The following RAP1GAP2 variants were observed in gnomAD, a reference collection of about 807,000 sequenced individuals.
RAP1GAP2 encodes rap1 GTPase-activating protein 2.
In RAP1GAP2, 27 loss-of-function variants were observed where a neutral mutation model predicts 95.0. The ratio of observed to expected loss-of-function variants is 0.28; its 90% CI spans 0.21 to 0.39. The LOEUF (loss-of-function observed/expected upper bound fraction) is 0.39, where lower values mean the gene tolerates loss of function less well. Among genes scored for constraint, RAP1GAP2 ranks in the 10% least tolerant of loss-of-function variants. The probability of loss-of-function intolerance (pLI) is 1.00; values close to 1 mark genes in which losing one functional copy is unlikely to be tolerated. For missense variants in RAP1GAP2, 771 were observed against 970.0 expected (o/e 0.79, Z 2.72); for synonymous variants, 373 against 380.9 (o/e 0.98, Z 0.24).
chr17:2,875,574 T>G (rs9898759), intron 2 of RAP1GAP2, among the ~76,000 whole-genome samples: 9 of 152,044 alleles, frequency 5.9e-5, no homozygotes, highest in Non-Finnish European at 1.2e-4. Flanking sequence ...ACTTAGCTCA[T>G]GGAGCGGGTG....
rs115603312 is a variant in RAP1GAP2, at chr17:2,807,812, A to T, written c.80+7262A>T. Reference sequence around the variant, plus strand: ...GAAGTGGGGCTGGATCAAAGGGCTTAGGACTAGGGGAATGCTATGGTGAGC... The same window carrying T: ...GAAGTGGGGCTGGATCAAAGGGCTTTGGACTAGGGGAATGCTATGGTGAGC... On this transcript the variant is annotated intron_variant, in intron 2 of 24. Transcript: ENST00000254695. Among the ~76,000 whole-genome samples, 584 of 152,210 alleles carry T rather than the reference A, an allele frequency of 3.8e-3. 2 individuals are homozygous for T. Among genetic ancestry groups the T allele is most frequent in the African/African-American group, 0.013 (541 of 41,526 alleles).
chr17:2,997,929 A>AAAAAAAAAAAAG (rs2046018798), intron 13 of RAP1GAP2, among the ~76,000 whole-genome samples: 1 of 151,556 alleles, frequency 6.6e-6, no homozygotes, highest in African/African-American at 2.4e-5. Context: ...TCTCAAAAAA[A>AAAAAAAAAAAAG]AAAAAAAAAG....
rs1373118593 is a variant in RAP1GAP2, at chr17:2,906,384, C to T, written c.165+1016C>T. 1.3e-5 allele frequency among the ~76,000 whole-genome samples: 2 copies of T among 152,164 alleles called. No homozygotes were observed. Among genetic ancestry groups the T allele is most frequent in the South Asian group, 4.2e-4 (2 of 4,812 alleles). ...TCCTGTATCCGATACCCATCACATA[C>T]AGAGCCATGTGGTATGCCTCGAGGA... On this transcript the variant is annotated intron_variant, in intron 3 of 24. Transcript: ENST00000254695. This position sits in a 1 kb window ranked among gnomAD's most constrained non-coding sequence, Gnocchi z 4.3.
rs2072804667 is a variant in RAP1GAP2 at position 2,870,611 on chromosome 17, C to G, written c.81-34673C>G. Among the ~76,000 whole-genome samples, 1 of 152,256 alleles carries G rather than the reference C, an allele frequency of 6.6e-6. No homozygotes were observed. The highest frequency in any genetic ancestry group is 2.1e-4 in the South Asian group (1 of 4,828). On this transcript the variant is annotated intron_variant, in intron 2 of 24. Coordinates refer to ENST00000254695, the MANE Select transcript of RAP1GAP2 (RefSeq NM_015085.5). This position sits in a 1 kb window ranked among gnomAD's most constrained non-coding sequence, Gnocchi z 4.4. ...TTTTCTATGCAAAAGCACACCCTTTCACGTAATATACTTACATCTGCATCT... is the reference window on the plus strand; with the variant it reads ...TTTTCTATGCAAAAGCACACCCTTTGACGTAATATACTTACATCTGCATCT...
chr17:2,957,741 C>T lies in RAP1GAP2; in HGVS notation c.166-18C>T. On this transcript the variant is annotated intron_variant, in intron 3 of 24. Coordinates refer to ENST00000254695, the MANE Select transcript of RAP1GAP2 (RefSeq NM_015085.5). The stretch of plus-strand genomic sequence containing the variant: ...CGGCTGATCCCTGTCTTTCTGTCCC[C>T]CTGCTTTTGTCTTTCAGTCGTCGGA... 2 of 1,604,780 alleles carry T rather than the reference C, an allele frequency of 1.2e-6. No homozygotes were observed. The highest frequency in any genetic ancestry group is 8.5e-7 in the Non-Finnish European group (1 of 1,175,294).
At chr17:2,868,028 G>A (rs1261977664) in intron 2 of RAP1GAP2, among the ~76,000 whole-genome samples, 1 of 152,188 alleles carries the variant, frequency 6.6e-6, no homozygotes, top group South Asian at 2.1e-4. Flanking sequence ...GACCGCGCTG[G>A]ACCTGGTCTG....
At chr17:2,810,471 A>C (rs1435875353) in intron 2 of RAP1GAP2, among the ~76,000 whole-genome samples, 1 of 140,222 alleles carries the variant, frequency 7.1e-6, no homozygotes, top group Admixed American at 7.3e-5. Flanking sequence ...TTAACTCGTC[A>C]TTTAACATTA....
At chr17:2,886,559 G>T (rs963145059) in intron 2 of RAP1GAP2, among the ~76,000 whole-genome samples, 1 of 152,190 alleles carries the variant, frequency 6.6e-6, no homozygotes, top group Admixed American at 6.5e-5. Context: ...CCAAGAATGG[G>T]TTATTGGTAT....
At chr17:2,997,305 T>C (rs758885341) in intron 13 of RAP1GAP2, among the ~76,000 whole-genome samples, 13 of 152,160 alleles carry the variant, frequency 8.5e-5, no homozygotes, top group African/African-American at 9.7e-5. Flanking sequence ...CGTCTCCTCC[T>C]CCAGGAAGCC....
At chr17:2,984,159 G>A (rs2045470984) in intron 10 of RAP1GAP2, among the ~76,000 whole-genome samples, 1 of 152,074 alleles carries the variant, frequency 6.6e-6, no homozygotes, top group Non-Finnish European at 1.5e-5. Flanking sequence ...GACCAGCCTG[G>A]CCAACATGGT....
chr17:2,931,682 G>A (rs922095029), intron 3 of RAP1GAP2, among the ~76,000 whole-genome samples: 8 of 152,190 alleles, frequency 5.3e-5, no homozygotes, highest in East Asian at 1.9e-4. Flanking sequence ...AGAATCACTC[G>A]GGACCGAAGC....
intron 3 of RAP1GAP2, among the ~76,000 whole-genome samples, chr17:2,936,676 G>T (rs1272755346): frequency 6.6e-6 from 1 of 152,066 alleles, no homozygotes; most frequent in Non-Finnish European, 1.5e-5. Flanking sequence ...CTGATATTGA[G>T]TCTTGCTCTT....
At chr17:2,772,617 G>T (rs1406452488), upstream of RAP1GAP2, among the ~76,000 whole-genome samples, 1 of 151,832 alleles carries the variant, frequency 6.6e-6, no homozygotes, top group African/African-American at 2.4e-5. Context: ...TTTAGTTCCC[G>T]TTATGTGTCA....
Position 2,906,648 on chromosome 17 carries a change from T to G in RAP1GAP2, c.165+1280T>G. On this transcript the variant is annotated intron_variant, in intron 3 of 24. Coordinates refer to ENST00000254695, the MANE Select transcript of RAP1GAP2 (RefSeq NM_015085.5). The surrounding 1 kb of genome is among the most constrained non-coding windows in gnomAD (Gnocchi z 4.3). ...GCCAGCTCTTTGCACAGGGTAATGC[T>G]AAGAAGCCTGTCACCATTCCGAGTG... Among the ~76,000 whole-genome samples, 1 of 151,990 alleles carries G rather than the reference T, an allele frequency of 6.6e-6. No homozygotes were observed. Among genetic ancestry groups the G allele is most frequent in the Middle Eastern group, 3.2e-3 (1 of 316 alleles).
In RAP1GAP2 at chr17:2,903,030, G is replaced by T. The variant is rs1443126055; in HGVS notation, c.81-2254G>T. 6.6e-6 allele frequency among the ~76,000 whole-genome samples: 1 copy of T among 152,202 alleles called. No individual in the cohort carries two copies. The highest frequency in any genetic ancestry group is 1.5e-5 in the Non-Finnish European group (1 of 68,030). ...CCTCTGGACTGTGTGTTTCTGGAGA[G>T]CCAGGGCTGCTGTCCATCAAGGTGC... On this transcript the variant is annotated intron_variant, in intron 2 of 24. Coordinates refer to ENST00000254695, the MANE Select transcript of RAP1GAP2 (RefSeq NM_015085.5). This position sits in a 1 kb window ranked among gnomAD's most constrained non-coding sequence, Gnocchi z 4.1.
chr17:3,020,279 C>T (rs1052700036), intron 18 of RAP1GAP2, among the ~76,000 whole-genome samples, 198 bp from the exon 19 acceptor site: 1 of 152,212 alleles, frequency 6.6e-6, no homozygotes, highest in South Asian at 2.1e-4. Context: ...TTTGGCTTAA[C>T]ACAGGGAAGG....
intron 12 of RAP1GAP2, among the ~76,000 whole-genome samples, chr17:2,991,955 G>A (rs931883146): frequency 6.6e-6 from 1 of 151,650 alleles, no homozygotes; most frequent in Non-Finnish European, 1.5e-5. Context: ...GAGTAGAGAC[G>A]GGGTTTCGCC....
At chr17:2,790,124 G>A (rs1425141990) in intron 1 of RAP1GAP2, among the ~76,000 whole-genome samples, 1 of 149,482 alleles carries the variant, frequency 6.7e-6, no homozygotes, top group Non-Finnish European at 1.5e-5. Flanking sequence ...TTTTTTTTTG[G>A]TGGTTTTGAG....
chr17:2,963,322 C>T lies in RAP1GAP2; in HGVS notation c.247-108C>T, dbSNP rs1189887387. The T allele has an allele frequency of 1.6e-6, 2 of 1,273,068 alleles. No individual in the cohort carries two copies. Among genetic ancestry groups the T allele is most frequent in the Admixed American group, 1.7e-5 (1 of 58,614 alleles). 78.9% of individuals were successfully genotyped at this position (1,273,068 alleles called of 1,614,324 possible). A position where few individuals can be genotyped will look rare whatever the true frequency, so the allele number is the denominator to read the frequency against. On this transcript the variant is annotated intron_variant, in intron 5 of 24. Transcript: ENST00000254695. The surrounding 1 kb of genome is among the most constrained non-coding windows in gnomAD (Gnocchi z 4.8). ...GCTGTTCTTCCATCGAATGTTCCTC[C>T]CTCAAAGCCCCCCCACAACATATCC...
Sources: allele counts gnomAD v4.1 joint callset (sites outside exome capture counted in the v4.1 genomes callset), GRCh38; gene constraint gnomAD v4.1.1; non-coding constraint Gnocchi (gnomAD v3.1); transcripts MANE v1.5; gene names NCBI Gene and HGNC (gene_info 2026-07-23, HGNC 2026-07-21).